The following ESYT3 variants were observed in gnomAD, a reference collection of about 807,000 sequenced individuals.
ESYT3 encodes the protein extended synaptotagmin-3.
In ESYT3, 101 loss-of-function variants were observed where a neutral mutation model predicts 111.5. The ratio of observed to expected loss-of-function variants is 0.91; its 90% confidence interval spans 0.77 to 1.07. The LOEUF is 1.07. Ranked by LOEUF, ESYT3 falls within the 50% of genes least tolerant of loss-of-function variation. ESYT3 has a pLI of 0.00. For missense variants in ESYT3, 1,097 were observed against 1,109.4 expected (o/e 0.99, Z 0.16); for synonymous variants, 416 against 446.8 (o/e 0.93, Z 0.87).
chr3:138,434,773 G>T lies in ESYT3; in HGVS notation c.-26G>T. ...GGACCTAAGCTCGGGTGAAGCTCTC[G>T]GGAAGGGCAAGACTGCGGCGACGAG... On this transcript the variant is annotated 5_prime_UTR_variant, in exon 1 of 23. Transcript: ENST00000389567. 1 of 1,508,694 alleles carries T rather than the reference G, an allele frequency of 6.6e-7. No homozygotes were observed. Among genetic ancestry groups the T allele is most frequent in the Non-Finnish European group, 8.8e-7 (1 of 1,135,348 alleles). 93.5% of individuals were successfully genotyped at this position (1,508,694 alleles called of 1,614,324 possible).
chr3:138,457,660 C>T lies in ESYT3; in HGVS notation c.581+16C>T, dbSNP rs778802222. ...TGCAGATCTGGTGAGCTCTATCGGG[C>T]TGGGTATGGGCTTCGGGGTGCAGGG... On this transcript the variant is annotated intron_variant, in intron 4 of 22. Transcript: ENST00000389567. 1.9e-6 allele frequency: 3 copies of T among 1,613,836 alleles called. No individual in the cohort carries two copies. The highest frequency in any genetic ancestry group is 2.5e-6 in the Non-Finnish European group (3 of 1,179,796).
At chr3:138,476,672 A>G (rs2033498040) in intron 22 of ESYT3, 146 bp from the exon 23 acceptor site, 2 of 1,047,158 alleles carry the variant, frequency 1.9e-6, no homozygotes, top group Admixed American at 3.9e-5. Flanking sequence ...CTCTAGCCTT[A>G]ACCCTGAACC....
At chr3:138,452,390 A>G (rs1257600797) in intron 2 of ESYT3, among the ~76,000 whole-genome samples, 1 of 152,208 alleles carries the variant, frequency 6.6e-6, no homozygotes, top group African/African-American at 2.4e-5. Flanking sequence ...GAAGACATTA[A>G]TTAGACAACA....
At position 138,460,052 on chromosome 3, in the gene ESYT3, C is replaced by T. The variant is rs769493506; in HGVS notation, c.738+18C>T. ...AGAAGCCGGTGAGTCCCAAGGACTG[C>T]GGTAAGCCTGCTGCTCCCTGGGAGT... is the stretch of plus-strand genomic sequence containing the variant. On this transcript the variant is annotated intron_variant, in intron 6 of 22. Transcript: ENST00000389567. 15 of 1,609,680 alleles carry T rather than the reference C, an allele frequency of 9.3e-6. No homozygotes were observed. The highest frequency in any genetic ancestry group is 6.7e-5 in the African/African-American group (5 of 74,842).
Position 138,465,393 on chromosome 3 carries a change from G to A in ESYT3, c.1141G>A (p.Asp381Asn). Reference protein sequence around the residue: ...QDLEVDLYDEDTDRDDFLGSL... With the variant: ...QDLEVDLYDENTDRDDFLGSL... Reference sequence around the variant, plus strand: ...CCTGGAGGTAGACCTGTATGATGAGGATACCGACAGGGATGACTTCCTGGG... The same window carrying A: ...CCTGGAGGTAGACCTGTATGATGAGAATACCGACAGGGATGACTTCCTGGG... The change falls in exon 10 of 23, where the codon GAT becomes AAT. Residue 381 changes from aspartate to asparagine, a missense_variant. By Grantham distance (23) the Asp-to-Asn change is conservative. Transcript: ENST00000389567. The A allele has an allele frequency of 6.3e-7, 1 of 1,595,686 alleles. No homozygotes were observed. The highest frequency in any genetic ancestry group is 8.5e-7 in the Non-Finnish European group (1 of 1,171,778).
intron 12 of ESYT3, 150 bp from the exon 13 acceptor site, chr3:138,468,505 A>C: frequency 2.6e-6 from 2 of 758,972 alleles, no homozygotes; most frequent in Non-Finnish European, 2.3e-6. Flanking sequence ...CTTAACCTCA[A>C]CAAAATGCTA....
intron 3 of ESYT3, among the ~76,000 whole-genome samples, chr3:138,457,261 C>T (rs1051074905): frequency 6.6e-6 from 1 of 152,212 alleles, no homozygotes; most frequent in Non-Finnish European, 1.5e-5. Flanking sequence ...TCTGTAAGCT[C>T]CAGTTTCCTC....
At chr3:138,472,108 CTTTT>C (rs1220169131) in intron 17 of ESYT3, among the ~76,000 whole-genome samples, 4 of 152,062 alleles carry the variant, frequency 2.6e-5, no homozygotes, top group Non-Finnish European at 5.9e-5. Flanking sequence ...CAGATTTTTT[CTTTT>C]TTTAACAGAA....
In ESYT3 at chr3:138,473,597, C is replaced by T. The variant is rs771136407; in HGVS notation, c.2299C>T (p.Leu767=). 2.5e-6 allele frequency: 4 copies of T among 1,613,830 alleles called. No homozygotes were observed. The South Asian group carries it at 3.3e-5, about 13-fold the overall frequency. Residue 767 remains leucine (L), a synonymous_variant, in exon 19 of 23, where the codon CTG becomes TTG. Coordinates refer to ENST00000389567, the MANE Select transcript of ESYT3 (RefSeq NM_031913.5). ...TCAGCTCACAGTGCGCTATGTGTGT[C>T]TGCGGCGCTGCCTCAGCGTGCTAAT... ...EIQLTVRYVC[L]RRCLSVLING...
chr3:138,457,826 C>T (rs927490339), intron 4 of ESYT3, among the ~76,000 whole-genome samples, 182 bp downstream of exon 4: 11 of 152,116 alleles, frequency 7.2e-5, no homozygotes, highest in South Asian at 6.2e-4. Flanking sequence ...GCCCAGGCAG[C>T]AGAGCTTTCT....
At position 138,472,878 on chromosome 3, in the gene ESYT3, A is replaced by G. The variant is rs755021384; in HGVS notation, c.2237+19A>G. On this transcript the variant is annotated intron_variant, in intron 18 of 22. Transcript: ENST00000389567. ...ACATTGAGTATGCACCTCTCTGCTT[A>G]ATCTTTTCTAAAATCGCCTGTATGA... 1.3e-6 allele frequency: 2 copies of G among 1,592,854 alleles called. No homozygotes were observed. Among genetic ancestry groups the G allele is most frequent in the Non-Finnish European group, 1.7e-6 (2 of 1,169,476 alleles).
Position 138,477,235 on chromosome 3 carries a change from C to CTGGGGGAGG in ESYT3, c.*382_*383insGGGGGAGGT, listed in dbSNP as rs2033527608. The CTGGGGGAGG allele has an allele frequency of 6.1e-6, 1 of 164,984 alleles. No individual in the cohort carries two copies. Among genetic ancestry groups the CTGGGGGAGG allele is most frequent in the African/African-American group, 2.4e-5 (1 of 41,572 alleles). 10.2% of individuals were successfully genotyped at this position (164,984 alleles called of 1,614,324 possible). A position where few individuals can be genotyped will look rare whatever the true frequency, so the allele number is the denominator to read the frequency against. ...ATGTATGTACCAGAAAGTGTCCTGC[C>CTGGGGGAGG]TCTGGCATAGGGGCTGGGGGAGGTC... On this transcript the variant is annotated 3_prime_UTR_variant, in exon 23 of 23. Transcript: ENST00000389567.
chr3:138,443,792 C>T (rs2031339498), intron 1 of ESYT3, among the ~76,000 whole-genome samples: 1 of 148,756 alleles, frequency 6.7e-6, no homozygotes, highest in African/African-American at 2.5e-5. Flanking sequence ...CCACCCTGTG[C>T]GAGGGAGCTG....
intron 18 of ESYT3, 185 bp downstream of exon 18, chr3:138,473,044 T>C: frequency 6.9e-7 from 1 of 1,448,156 alleles, no homozygotes; most frequent in Non-Finnish European, 9.0e-7. Flanking sequence ...ACAGGCTGTT[T>C]ATGGCTCTAG....
intron 7 of ESYT3, among the ~76,000 whole-genome samples, chr3:138,461,367 G>A (rs2032629024): frequency 6.6e-6 from 1 of 152,174 alleles, no homozygotes; most frequent in African/African-American, 2.4e-5. Context: ...GGCAAGTGAA[G>A]GCTGCTCTCA....
chr3:138,455,399 TTTCTCCCACCC>T, intron 3 of ESYT3, 71 bp downstream of exon 3: 1 of 1,560,336 alleles, frequency 6.4e-7, no homozygotes, highest in Non-Finnish European at 8.8e-7. Flanking sequence ...TCCTCCCACC[TTTCTCCCACCC>T]AGGTCAGTCA....
At chr3:138,457,701 G>C in intron 4 of ESYT3, 57 bp downstream of exon 4, 1 of 1,536,244 alleles carries the variant, frequency 6.5e-7, no homozygotes, top group Non-Finnish European at 9.0e-7. Flanking sequence ...AGTGGGAACA[G>C]CCAGTTTGAA....
chr3:138,451,010 C>T (rs1456894162), intron 1 of ESYT3, among the ~76,000 whole-genome samples: 1 of 152,192 alleles, frequency 6.6e-6, no homozygotes, highest in Non-Finnish European at 1.5e-5. Flanking sequence ...GTGCAGGTAC[C>T]CTGTACATGT....
intron 4 of ESYT3, 108 bp downstream of exon 4, chr3:138,457,752 C>A (rs1560226836): frequency 9.4e-7 from 1 of 1,066,590 alleles, no homozygotes. Context: ...GGATGTGGAA[C>A]CCCTCACAGG....
Sources: allele counts gnomAD v4.1 joint callset (sites outside exome capture counted in the v4.1 genomes callset), GRCh38; gene constraint gnomAD v4.1.1; transcripts MANE v1.5; gene names NCBI Gene and HGNC (gene_info 2026-07-23, HGNC 2026-07-21).